ANO6: variants seen among roughly 807,000 people sequenced by gnomAD.
ANO6 encodes the protein anoctamin 6.
Under a neutral mutation model 117.5 loss-of-function variants are expected in ANO6, and 106 were observed. That is an observed-to-expected ratio of 0.90 (90% CI 0.77 to 1.06). ANO6 has a LOEUF of 1.06. Ranked by LOEUF, ANO6 falls within the 50% of genes least tolerant of loss-of-function variation. The probability of loss-of-function intolerance (pLI) is 0.00; values close to 1 mark genes in which losing one functional copy is unlikely to be tolerated. For synonymous variants in ANO6, 367 were observed against 385.1 expected, an observed-to-expected ratio of 0.95 and a Z score of 0.55; for missense variants, 955 against 1,121.1, an observed-to-expected ratio of 0.85 and a Z score of 2.12.
At chr12:45,423,233 G>A (rs186512261) in intron 19 of ANO6, among the ~76,000 whole-genome samples, 171 bp downstream of exon 19, 13 of 152,214 alleles carry the variant, frequency 8.5e-5, no homozygotes, top group East Asian at 3.9e-4. Flanking sequence ...CTTCATTAAC[G>A]AGAGCATTAT....
rs919368563 is a variant in ANO6 at position 45,430,722 on chromosome 12, C to T, written c.*1411C>T. On this transcript the variant is annotated 3_prime_UTR_variant, in exon 20 of 20. Coordinates refer to ENST00000320560, the MANE Select transcript of ANO6 (RefSeq NM_001025356.3). ...TGCTGCACTCCTGTCTTGCCATGCA[C>T]GTCTTGCCCCCTCACTTTTGCTCAG... 26 of 985,262 alleles carry T rather than the reference C, an allele frequency of 2.6e-5. No individual in the cohort carries two copies. The highest frequency in any genetic ancestry group is 6.2e-5 in the Admixed American group (1 of 16,258). The allele number at this position is 985,262 out of a possible 1,614,324, so 61.0% of individuals were successfully genotyped here.
At chr12:45,380,801 C>T (rs1381194480) in intron 10 of ANO6, among the ~76,000 whole-genome samples, 2 of 152,060 alleles carry the variant, frequency 1.3e-5, no homozygotes, top group African/African-American at 2.4e-5. Flanking sequence ...GGTGAAACCT[C>T]GCCTCTACTA....
At position 45,431,669 on chromosome 12, in the gene ANO6, A is replaced by T. The variant is rs1287370544; in HGVS notation, c.*2358A>T. 1 of 985,336 alleles carries T rather than the reference A, an allele frequency of 1.0e-6. No homozygotes were observed. The highest frequency in any genetic ancestry group is 1.2e-6 in the Non-Finnish European group (1 of 829,956). The allele number at this position is 985,336 out of a possible 1,614,324, so 61.0% of individuals were successfully genotyped here. ...ATCCACAGTGTTTGTTAGTGAGTCC[A>T]CGGCTGACTTGCAGTGATAAAGAAA... On this transcript the variant is annotated 3_prime_UTR_variant, in exon 20 of 20. Transcript: ENST00000320560.
In ANO6 at chr12:45,416,912, G is replaced by T. The variant is rs1235357003; in HGVS notation, c.2217+8G>T. 1.9e-6 allele frequency: 3 copies of T among 1,613,948 alleles called. No individual in the cohort carries two copies. The highest frequency in any genetic ancestry group is 2.2e-5 in the South Asian group (2 of 91,070). On this transcript the variant is annotated splice_region_variant and intron_variant, in intron 17 of 19. Coordinates refer to ENST00000320560, the MANE Select transcript of ANO6 (RefSeq NM_001025356.3). ...CTGGCTGTGGTGACCAATGTGAGTAGACCTAAGCTTTACAGAGTAAAGACC... is the reference window on the plus strand; with the variant it reads ...CTGGCTGTGGTGACCAATGTGAGTATACCTAAGCTTTACAGAGTAAAGACC...
intron 1 of ANO6, among the ~76,000 whole-genome samples, chr12:45,273,101 A>C (rs1938440666): frequency 6.6e-6 from 1 of 152,138 alleles, no homozygotes; most frequent in African/African-American, 2.4e-5. Flanking sequence ...GAAATCTAAA[A>C]CAGTCATAAA....
chr12:45,259,942 C>T (rs758873255), intron 1 of ANO6, among the ~76,000 whole-genome samples: 2 of 152,190 alleles, frequency 1.3e-5, no homozygotes, highest in African/African-American at 4.8e-5. Flanking sequence ...TCCTCCATGG[C>T]GAGTAAAGAG....
intron 12 of ANO6, among the ~76,000 whole-genome samples, chr12:45,391,503 A>C (rs1168552825): frequency 6.6e-6 from 1 of 152,160 alleles, no homozygotes; most frequent in African/African-American, 2.4e-5. Context: ...CTTGTTAGCT[A>C]TTTGGGGGGA....
chr12:45,292,765 G>A (rs1939144551), intron 1 of ANO6: 6 of 1,442,962 alleles, frequency 4.2e-6, no homozygotes, highest in Non-Finnish European at 5.5e-6. Context: ...ATGTTACAAG[G>A]TGGAGAAATT....
intron 11 of ANO6, among the ~76,000 whole-genome samples, 184 bp from the exon 12 acceptor site, chr12:45,390,237 T>C (rs764341586): frequency 6.6e-6 from 1 of 152,238 alleles, no homozygotes; most frequent in Non-Finnish European, 1.5e-5. Context: ...AAATGAACAC[T>C]GCACATGTTT....
intron 15 of ANO6, 109 bp downstream of exon 15, chr12:45,403,645 C>G (rs762144721): frequency 6.6e-5 from 58 of 876,718 alleles, no homozygotes; most frequent in Non-Finnish European, 9.9e-5. Flanking sequence ...GCATGTCCAC[C>G]TCTAAATGGA....
chr12:45,302,597 C>A (rs1225694407), intron 2 of ANO6, among the ~76,000 whole-genome samples: 16 of 152,050 alleles, frequency 1.1e-4, no homozygotes, highest in Admixed American at 1.0e-3. Flanking sequence ...ACTAAATGCT[C>A]CCATTAAATT....
At chr12:45,424,341 T>G (rs960436169) in intron 19 of ANO6, among the ~76,000 whole-genome samples, 3 of 127,962 alleles carry the variant, frequency 2.3e-5, no homozygotes, top group East Asian at 2.9e-4. Context: ...TTTTTTTTTT[T>G]TTTTTTTTTT....
intron 1 of ANO6, among the ~76,000 whole-genome samples, chr12:45,234,386 G>T (rs1401288779): frequency 6.6e-6 from 1 of 152,086 alleles, no homozygotes; most frequent in Non-Finnish European, 1.5e-5. Flanking sequence ...TCTCCAGAAG[G>T]TCACCTTTTT....
intron 1 of ANO6, chr12:45,292,654 C>T (rs1313751007): frequency 8.3e-7 from 1 of 1,210,168 alleles, no homozygotes; most frequent in Non-Finnish European, 1.0e-6. Flanking sequence ...GCATGTTTAA[C>T]TTCTAGATGT....
intron 1 of ANO6, among the ~76,000 whole-genome samples, chr12:45,256,277 A>C (rs1024716911): frequency 2.6e-5 from 4 of 152,192 alleles, no homozygotes; most frequent in Admixed American, 6.5e-5. Context: ...TCCTGGCCTC[A>C]TCAAACACTG....
Position 45,357,301 on chromosome 12 carries a change from G to C in ANO6, c.875G>C (p.Gly292Ala). The C allele has an allele frequency of 6.2e-7, 1 of 1,613,804 alleles. No homozygotes were observed. The highest frequency in any genetic ancestry group is 8.5e-7 in the Non-Finnish European group (1 of 1,179,972). ...QPLDLIRKYY[G>A]EKIGIYFAWL... ...CTGTCTTTCTTCAGGAAATACTATGGAGAGAAGATTGGAATCTACTTTGCT... is the reference window on the plus strand; with the variant it reads ...CTGTCTTTCTTCAGGAAATACTATGCAGAGAAGATTGGAATCTACTTTGCT... The change falls in exon 8 of 20, where the codon GGA becomes GCA. Residue 292 changes from glycine to alanine, a missense_variant. Physicochemically the swap from Gly to Ala is moderately conservative, Grantham distance 60 (BLOSUM62 0). Coordinates refer to ENST00000320560, the MANE Select transcript of ANO6 (RefSeq NM_001025356.3).
At chr12:45,221,061 G>T (rs557996160) in intron 1 of ANO6, among the ~76,000 whole-genome samples, 3 of 151,802 alleles carry the variant, frequency 2.0e-5, no homozygotes, top group South Asian at 2.1e-4. Context: ...GTCGGAAGTG[G>T]GGGGGGGCAG....
intron 1 of ANO6, among the ~76,000 whole-genome samples, chr12:45,239,405 A>G (rs1303685224): frequency 2.0e-5 from 3 of 151,676 alleles, no homozygotes; most frequent in Non-Finnish European, 4.4e-5. Context: ...ATCATTTTTT[A>G]TTGCATCTAT....
At chr12:45,283,477 G>T (rs1938808345) in intron 1 of ANO6, among the ~76,000 whole-genome samples, 1 of 152,200 alleles carries the variant, frequency 6.6e-6, no homozygotes, top group Admixed American at 6.5e-5. Context: ...AGTTACTGCT[G>T]TATTTCCAGA....
Sources: gnomAD v4.1 joint callset for allele counts (sites outside exome capture counted in the v4.1 genomes callset) on GRCh38, gnomAD v4.1.1 for gene constraint, MANE v1.5 for transcripts, NCBI Gene and HGNC (gene_info 2026-07-23, HGNC 2026-07-21) for gene names.